TENM3: variants seen among roughly 807,000 people sequenced by gnomAD.
The protein encoded by TENM3 is teneurin-3.
Under a neutral mutation model 255.1 loss-of-function variants are expected in TENM3, and 63 were observed. That is an observed-to-expected ratio of 0.25 (90% CI 0.20 to 0.30). TENM3 has a LOEUF of 0.30. Ranked by LOEUF, TENM3 falls within the 10% of genes least tolerant of loss-of-function variation. The pLI, the probability that TENM3 is intolerant of heterozygous loss-of-function variation, is 1.00. For missense variants in TENM3, 2,929 were observed against 3,461.1 expected (o/e 0.85, Z 3.86); for synonymous variants, 1,306 against 1,322.3 (o/e 0.99, Z 0.27).
At chr4:182,060,982 T>C in the TENM3 span, among the ~76,000 whole-genome samples, 2 of 152,234 alleles carry the variant, frequency 1.3e-5, no homozygotes, top group African/African-American at 4.8e-5. Context: ...ATATGTCACC[T>C]GTCTCAGAAA....
rs185970606 is a variant in TENM3, at chr4:182,261,033, G to A, written c.-76+17557G>A. On this transcript the variant is annotated intron_variant, in intron 1 of 27. Transcript: ENST00000511685. ...TGGGACTACAGGTGCGCACCAGCAC[G>A]CCCAGCTAATTTTTGTATTTTTAAT... 5.3e-3 allele frequency among the ~76,000 whole-genome samples: 800 copies of A among 152,086 alleles called. 8 individuals are homozygous for A. Among genetic ancestry groups the A allele is most frequent in the African/African-American group, 0.018 (760 of 41,486 alleles).
chr4:182,526,918 G>C (rs569099479), intron 3 of TENM3, among the ~76,000 whole-genome samples: 66 of 152,020 alleles, frequency 4.3e-4, no homozygotes, highest in African/African-American at 1.6e-3. Flanking sequence ...TTGGTTACTT[G>C]TCTCTCTTTT....
intron 3 of TENM3, among the ~76,000 whole-genome samples, chr4:182,579,160 C>T (rs376191608): frequency 2.8e-4 from 42 of 152,226 alleles, no homozygotes; most frequent in Middle Eastern, 3.4e-3. Flanking sequence ...GGCTTCGCAG[C>T]GGTGAACCAT....
chr4:181,911,472 C>T, the TENM3 span, among the ~76,000 whole-genome samples: 18 of 152,050 alleles, frequency 1.2e-4, no homozygotes, highest in African/African-American at 4.1e-4. Flanking sequence ...GAAAGATATT[C>T]GTGTTGATGA....
chr4:182,100,832 T>C, the TENM3 span, among the ~76,000 whole-genome samples: 6 of 6,536 alleles, frequency 9.2e-4, no homozygotes, highest in East Asian at 0.017. Context: ...CATATATATA[T>C]ATATATACTC....
At chr4:182,463,706 C>G (rs1384234342) in intron 3 of TENM3, among the ~76,000 whole-genome samples, 6 of 151,978 alleles carry the variant, frequency 3.9e-5, no homozygotes, top group Admixed American at 3.9e-4. Flanking sequence ...TCACCGCAAC[C>G]TCGGCCTCCT....
chr4:181,606,289 G>A, the TENM3 span, among the ~76,000 whole-genome samples: 36 of 152,168 alleles, frequency 2.4e-4, no homozygotes, highest in Non-Finnish European at 4.3e-4. Flanking sequence ...TAACTCCACA[G>A]CATGCCCCTG....
intron 1 of TENM3, among the ~76,000 whole-genome samples, chr4:182,270,119 CTAGGT>C (rs1202027193): frequency 6.6e-6 from 1 of 152,060 alleles, no homozygotes; most frequent in Non-Finnish European, 1.5e-5. Flanking sequence ...TTGTGGAAGC[CTAGGT>C]TCTTGTTATG....
At chr4:182,012,468 G>T in the TENM3 span, among the ~76,000 whole-genome samples, 1 of 152,128 alleles carries the variant, frequency 6.6e-6, no homozygotes, top group African/African-American at 2.4e-5. Context: ...AGGGATGGAC[G>T]TAAAGAACGC....
chr4:182,070,560 T>C, the TENM3 span, among the ~76,000 whole-genome samples: 1 of 152,136 alleles, frequency 6.6e-6, no homozygotes, highest in Admixed American at 6.5e-5. Flanking sequence ...GAGGATGCAG[T>C]GAGCTGAAAT....
the TENM3 span, among the ~76,000 whole-genome samples, chr4:181,453,172 C>T: frequency 0.72 from 109,298 of 152,044 alleles, 39,682 homozygotes; most frequent in African/African-American, 0.83. Flanking sequence ...TGCAAGACGA[C>T]GACAAGGGAG....
chr4:182,678,380 G>C (rs1484501807), intron 7 of TENM3, among the ~76,000 whole-genome samples: 1 of 152,138 alleles, frequency 6.6e-6, no homozygotes, highest in Non-Finnish European at 1.5e-5. Context: ...CACGTTTACT[G>C]TTACTGCCAT....
the TENM3 span, among the ~76,000 whole-genome samples, chr4:181,704,667 A>C: frequency 3.9e-5 from 6 of 152,120 alleles, no homozygotes; most frequent in Non-Finnish European, 1.5e-5. Flanking sequence ...ATATTTACCC[A>C]GCAGCTGATT....
chr4:182,416,859 G>A (rs184251696), intron 3 of TENM3, among the ~76,000 whole-genome samples: 4 of 152,304 alleles, frequency 2.6e-5, no homozygotes, highest in Non-Finnish European at 5.9e-5. Flanking sequence ...AGAGGCACAC[G>A]TTGTCTGCAT....
the TENM3 span, among the ~76,000 whole-genome samples, chr4:181,617,299 C>T: frequency 6.6e-6 from 1 of 152,094 alleles, no homozygotes; most frequent in Admixed American, 6.6e-5. Flanking sequence ...TAACCAATAA[C>T]CAAAAACGTT....
the TENM3 span, among the ~76,000 whole-genome samples, chr4:181,819,769 G>A: frequency 4.6e-5 from 7 of 152,150 alleles, no homozygotes; most frequent in Admixed American, 2.6e-4. Context: ...AATCTGACAG[G>A]AGGCGGAGCT....
At chr4:181,587,577 A>T in the TENM3 span, among the ~76,000 whole-genome samples, 1 of 152,184 alleles carries the variant, frequency 6.6e-6, no homozygotes, top group South Asian at 2.1e-4. Flanking sequence ...CAGGGCAAAG[A>T]AGTTGAGTGA....
At chr4:181,982,703 G>C in the TENM3 span, among the ~76,000 whole-genome samples, 1 of 152,148 alleles carries the variant, frequency 6.6e-6, no homozygotes, top group Non-Finnish European at 1.5e-5. Context: ...GGATTCAATT[G>C]TTTACTGTAC....
At chr4:182,095,716 G>A in the TENM3 span, among the ~76,000 whole-genome samples, 30 of 151,678 alleles carry the variant, frequency 2.0e-4, no homozygotes, top group Admixed American at 1.4e-3. Flanking sequence ...CTAGAAAAGT[G>A]GAATTGAAAA....
Sources: gnomAD v4.1 joint callset for allele counts (sites outside exome capture counted in the v4.1 genomes callset) on GRCh38, gnomAD v4.1.1 for gene constraint, MANE v1.5 for transcripts, NCBI Gene and HGNC (gene_info 2026-07-23, HGNC 2026-07-21) for gene names.